SUMF1: variants seen among roughly 807,000 people sequenced by gnomAD.
SUMF1 encodes sulfatase modifying factor 1.
SUMF1 carries 48 observed loss-of-function variants against 47.6 expected under a neutral mutation model. That is an observed-to-expected ratio of 1.01 (90% confidence interval 0.80 to 1.28). The LOEUF is 1.28. Among genes scored for constraint, SUMF1 ranks in the 50% most tolerant of loss-of-function variants. SUMF1 has a pLI of 0.00. For missense variants in SUMF1, 571 were observed against 485.4 expected (o/e 1.18, Z -1.66); for synonymous variants, 230 against 192.1 (o/e 1.20, Z -1.63).
intron 8 of SUMF1, among the ~76,000 whole-genome samples, chr3:4,128,301 A>G (rs571222387): frequency 6.6e-6 from 1 of 152,278 alleles, no homozygotes; most frequent in East Asian, 1.9e-4. Flanking sequence ...GATTGGAAAA[A>G]TATTGGGCCC....
chr3:4,373,537 G>A (rs1378132667), intron 8 of SUMF1, among the ~76,000 whole-genome samples: 1 of 151,942 alleles, frequency 6.6e-6, no homozygotes, highest in African/African-American at 2.4e-5. Flanking sequence ...ACAATTGCTT[G>A]AGTTCAGAAA....
At chr3:4,248,749 G>A (rs762641543) in intron 8 of SUMF1, among the ~76,000 whole-genome samples, 11 of 152,200 alleles carry the variant, frequency 7.2e-5, no homozygotes, top group Non-Finnish European at 1.6e-4. Context: ...ACATGGGGTG[G>A]CTATTGAAGA....
intron 8 of SUMF1, chr3:4,317,293 A>G: frequency 1.5e-6 from 2 of 1,295,440 alleles, no homozygotes; most frequent in Non-Finnish European, 2.1e-6. Context: ...TTCACAGTCC[A>G]AAACCGCAGT....
Position 4,367,970 on chromosome 3 carries a change from G to T in SUMF1, c.1015-5716C>A, listed in dbSNP as rs554655014. Among the ~76,000 whole-genome samples, 150 of 152,078 alleles carry T rather than the reference G, an allele frequency of 9.9e-4. 2 individuals are homozygous for T. The East Asian group carries it at 0.025, about 26-fold the overall frequency. ...AACACCAAAAGTAATGGCAACAAAAGCCAAAATTGACAAATGGGATCTAAT... is the reference window on the plus strand; with the variant it reads ...AACACCAAAAGTAATGGCAACAAAATCCAAAATTGACAAATGGGATCTAAT... On this transcript the variant is annotated intron_variant, in intron 8 of 8. Coordinates refer to ENST00000272902, the MANE Select transcript of SUMF1 (RefSeq NM_182760.4).
In SUMF1 at chr3:4,152,855, A is replaced by T. The variant is rs994783014; in HGVS notation, c.1015-84110T>A. On this transcript the variant is annotated intron_variant and NMD_transcript_variant, in intron 8 of 12. Transcript: ENST00000448413. ...CTATTGAGTAATATCATTGTTACTG[A>T]TGGACTCATGGATAGACAGAAGAAA... Among the ~76,000 whole-genome samples, 58 of 151,630 alleles carry T rather than the reference A, an allele frequency of 3.8e-4. 1 individual carries two copies. The highest frequency in any genetic ancestry group is 6.5e-4 in the Non-Finnish European group (44 of 68,016).
At chr3:4,245,736 C>T (rs999931825) in intron 8 of SUMF1, among the ~76,000 whole-genome samples, 2 of 152,272 alleles carry the variant, frequency 1.3e-5, no homozygotes, top group African/African-American at 4.8e-5. Flanking sequence ...ATTATCAGAG[C>T]TTGAATGCCA....
At chr3:4,193,466 A>T (rs1695364358) in intron 8 of SUMF1, among the ~76,000 whole-genome samples, 1 of 152,106 alleles carries the variant, frequency 6.6e-6, no homozygotes, top group Admixed American at 6.6e-5. Flanking sequence ...GGGACACCCG[A>T]ATTTGTGGCT....
chr3:4,335,242 A>C (rs1699121833), intron 8 of SUMF1, among the ~76,000 whole-genome samples: 1 of 152,122 alleles, frequency 6.6e-6, no homozygotes, highest in South Asian at 2.1e-4. Context: ...CTCTTCAATG[A>C]CTTCTCATCA....
At chr3:4,143,988 CTTTT>C (rs10598580) in intron 8 of SUMF1, among the ~76,000 whole-genome samples, 1 of 85,622 alleles carries the variant, frequency 1.2e-5, no homozygotes, top group Non-Finnish European at 2.7e-5. Flanking sequence ...TCTTCTCTCT[CTTTT>C]TTTTTTTTTT....
intron 9 of SUMF1, among the ~76,000 whole-genome samples, chr3:4,062,055 C>T (rs1695286679): frequency 6.6e-6 from 1 of 152,054 alleles, no homozygotes; most frequent in Non-Finnish European, 1.5e-5. Context: ...TCCTACACCT[C>T]AGCCTGAACA....
intron 8 of SUMF1, among the ~76,000 whole-genome samples, chr3:4,098,146 A>G (rs1179121380): frequency 6.6e-6 from 1 of 152,134 alleles, no homozygotes; most frequent in Non-Finnish European, 1.5e-5. Flanking sequence ...GCTAAAGTTC[A>G]CTGAGAAGTA....
intron 9 of SUMF1, among the ~76,000 whole-genome samples, chr3:4,041,974 G>A (rs1694914754): frequency 6.6e-6 from 1 of 152,080 alleles, no homozygotes; most frequent in African/African-American, 2.4e-5. Flanking sequence ...TTACAAAGAT[G>A]ATAATAGTCC....
At chr3:4,057,893 A>G (rs1695218209) in intron 9 of SUMF1, among the ~76,000 whole-genome samples, 1 of 152,166 alleles carries the variant, frequency 6.6e-6, no homozygotes, top group Non-Finnish European at 1.5e-5. Flanking sequence ...TATGGCTTCA[A>G]AGTCTGCTTT....
At chr3:4,169,284 G>A (rs150510268) in intron 8 of SUMF1, among the ~76,000 whole-genome samples, 3 of 152,110 alleles carry the variant, frequency 2.0e-5, no homozygotes, top group Non-Finnish European at 2.9e-5. Flanking sequence ...CAGTATCTAT[G>A]AATCTGACTT....
rs143944233 is a variant in SUMF1, at chr3:4,408,501, T to C, written c.954+2364A>G. ...GCTAGAGGGATCAGCAAGGGTTAAA[T>C]TATGTTAGCCTTCAGAAGTCATGTG... On this transcript the variant is annotated intron_variant, in intron 7 of 8. Transcript: ENST00000272902. Among the ~76,000 whole-genome samples the C allele has an allele frequency of 1.4e-3, 215 of 152,220 alleles. 1 individual carries two copies. Among genetic ancestry groups the C allele is most frequent in the African/African-American group, 5.0e-3 (207 of 41,528 alleles).
intron 3 of SUMF1, among the ~76,000 whole-genome samples, chr3:4,425,539 T>C (rs982719499): frequency 2.0e-5 from 3 of 152,174 alleles, no homozygotes; most frequent in Non-Finnish European, 4.4e-5. Context: ...TTCAGAGTAC[T>C]GATCAACTGA....
rs528978930 is a variant in SUMF1 at position 4,182,540 on chromosome 3, G to C, written c.1015-113795C>G. 4.6e-5 allele frequency among the ~76,000 whole-genome samples: 7 copies of C among 152,064 alleles called. No homozygotes were observed. The South Asian group carries it at 1.2e-3, about 27-fold the overall frequency. On this transcript the variant is annotated intron_variant and NMD_transcript_variant, in intron 8 of 12. Coordinates refer to the SUMF1 transcript ENST00000448413. ...GACATATACTTCCATTAAATGAAAA[G>C]GAAATCTTAAGGGTCCCAAAGAGCT...
chr3:4,316,905 C>T lies in SUMF1; in HGVS notation c.1014+59425G>A, dbSNP rs755420652. On this transcript the variant is annotated intron_variant and NMD_transcript_variant, in intron 8 of 12. Coordinates refer to the SUMF1 transcript ENST00000448413. ...CGATGAGATGAACCAAAAACTGCAA[C>T]GCCTGCAGCTGGCATTGGTCAACAG... 2.1e-5 allele frequency: 32 copies of T among 1,549,248 alleles called. 1 individual carries two copies. The highest frequency in any genetic ancestry group is 1.3e-4 in the South Asian group (11 of 83,974).
intron 8 of SUMF1, among the ~76,000 whole-genome samples, chr3:4,127,306 T>G (rs549227286): frequency 3.9e-5 from 6 of 152,258 alleles, no homozygotes; most frequent in Non-Finnish European, 8.8e-5. Flanking sequence ...TGGTTAATAT[T>G]GGGTGTCAAC....
Sources: gnomAD v4.1 joint callset for allele counts (sites outside exome capture counted in the v4.1 genomes callset) on GRCh38, gnomAD v4.1.1 for gene constraint, MANE v1.5 for transcripts, NCBI Gene and HGNC (gene_info 2026-07-23, HGNC 2026-07-21) for gene names.